Variants in GNB1L observed in about 807,000 individuals in gnomAD.
GNB1L encodes G protein subunit beta 1 like.
In GNB1L, 20 loss-of-function variants were observed where a neutral mutation model predicts 29.1. The observed-to-expected ratio is 0.69, with a 90% CI of 0.48 to 1.00. The LOEUF (loss-of-function observed/expected upper bound fraction) is 1.00, where lower values mean the gene tolerates loss of function less well. Ranked by LOEUF, GNB1L falls within the 50% of genes least tolerant of loss-of-function variation. GNB1L has a pLI of 0.00. For synonymous variants in GNB1L, 193 were observed against 206.5 expected (o/e 0.93, Z 0.56); for missense variants, 421 against 464.9 (o/e 0.91, Z 0.87).
intron 2 of GNB1L, among the ~76,000 whole-genome samples, chr22:19,823,501 G>A (rs925121431): frequency 6.6e-6 from 1 of 152,208 alleles, no homozygotes; most frequent in Non-Finnish European, 1.5e-5. Flanking sequence ...TAGCCAGGGG[G>A]ACAGGAAGGC....
rs78167844 is a variant in GNB1L at position 19,812,695 on chromosome 22, C to T, written c.255-248G>A. On this transcript the variant is annotated intron_variant, in intron 4 of 7. Transcript: ENST00000329517. ...AGGCTGTGGACTGATGGCTGTCCAG[C>T]GTGGCCCCGGGGTGGGGGACACCAA... Among the ~76,000 whole-genome samples the T allele has an allele frequency of 7.8e-3, 1,183 of 152,324 alleles. 23 individuals carry two copies. In the South Asian group the frequency reaches 0.086, roughly 11 times the overall value.
At chr22:19,845,137 C>T (rs1601352207) in intron 2 of GNB1L, among the ~76,000 whole-genome samples, 2 of 152,310 alleles carry the variant, frequency 1.3e-5, no homozygotes, top group East Asian at 3.9e-4. Context: ...AAGGGGAGGT[C>T]CCCTATCACA....
At chr22:19,837,281 A>G (rs555455598) in intron 2 of GNB1L, among the ~76,000 whole-genome samples, 2 of 152,330 alleles carry the variant, frequency 1.3e-5, no homozygotes, top group South Asian at 4.1e-4. Context: ...AGAGATTATT[A>G]AGAAAATGAA....
intron 2 of GNB1L, among the ~76,000 whole-genome samples, chr22:19,824,343 C>G (rs730416): frequency 0.015 from 2,274 of 152,334 alleles, 52 homozygotes; most frequent in African/African-American, 0.051. Context: ...AAAGGCCGCC[C>G]TTGCGCAAGG....
In GNB1L at chr22:19,802,089, T is replaced by G; in HGVS notation, c.644A>C (p.Asp215Ala). The G allele has an allele frequency of 6.2e-7, 1 of 1,613,526 alleles. No homozygotes were observed. Among genetic ancestry groups the G allele is most frequent in the Non-Finnish European group, 8.5e-7 (1 of 1,180,002 alleles). The change falls in exon 7 of 8, where the codon GAC (aspartate) becomes GCC (alanine). Residue 215 changes from aspartate to alanine, a missense_variant. Asp to Ala is a moderately radical substitution (Grantham distance 126, BLOSUM62 -2). Transcript: ENST00000329517. Reference sequence around the variant, plus strand: ...GCCCCTGGCCTTCTGGGAGTCAAAGTCAAGGTCCATGACGGGCTCCTCATG... The same window carrying G: ...GCCCCTGGCCTTCTGGGAGTCAAAGGCAAGGTCCATGACGGGCTCCTCATG... ...ACHEEPVMDL[D>A]FDSQKARGIS...
At position 19,788,925 on chromosome 22, in the gene GNB1L, G is replaced by C; in HGVS notation, c.768C>G (p.Ile256Met). The C allele has an allele frequency of 6.2e-7, 1 of 1,610,962 alleles. No homozygotes were observed. Among genetic ancestry groups the C allele is most frequent in the Non-Finnish European group, 8.5e-7 (1 of 1,178,584 alleles). ...RGTHELTNPG[I>M]AEVTIRPDRK... Reference sequence around the variant, plus strand: ...GATCTGGCCGGATCGTGACCTCGGCGATCCCGGGATTGGTGAGTTCATGAG... The same window carrying C: ...GATCTGGCCGGATCGTGACCTCGGCCATCCCGGGATTGGTGAGTTCATGAG... Residue 256 changes from isoleucine to methionine, a missense_variant, in exon 8 of 8, where the codon ATC becomes ATG. Coordinates refer to ENST00000329517, the MANE Select transcript of GNB1L (RefSeq NM_053004.3).
intron 2 of GNB1L, among the ~76,000 whole-genome samples, chr22:19,835,540 A>G (rs1322477361): frequency 6.6e-6 from 1 of 151,984 alleles, no homozygotes; most frequent in African/African-American, 2.4e-5. Context: ...CAGGCATAGT[A>G]GCGCACGCCT....
At chr22:19,794,417 C>A (rs1285155069) in intron 7 of GNB1L, among the ~76,000 whole-genome samples, 1 of 152,124 alleles carries the variant, frequency 6.6e-6, no homozygotes, top group Admixed American at 6.5e-5. Context: ...TCTAAGGAGA[C>A]TTTGAGAAGG....
chr22:19,846,310 C>T, intron 2 of GNB1L: 1 of 593,640 alleles, frequency 1.7e-6, no homozygotes, highest in South Asian at 7.3e-5. Flanking sequence ...CAGAAAGTTA[C>T]AACCTGGGAA....
At chr22:19,792,677 C>T in intron 7 of GNB1L, 1 of 1,466,520 alleles carries the variant, frequency 6.8e-7, no homozygotes, top group Non-Finnish European at 9.5e-7. Flanking sequence ...AACGGGACGT[C>T]CCCACCAAGA....
chr22:19,809,109 T>C (rs1937469083), intron 5 of GNB1L, among the ~76,000 whole-genome samples: 1 of 151,872 alleles, frequency 6.6e-6, no homozygotes, highest in African/African-American at 2.4e-5. Context: ...AAATGCTGCA[T>C]TTCCCAAGAC....
intron 6 of GNB1L, among the ~76,000 whole-genome samples, chr22:19,802,544 G>C (rs1937386914): frequency 6.6e-6 from 1 of 152,180 alleles, no homozygotes; most frequent in South Asian, 2.1e-4. Context: ...GCCCACCCTG[G>C]GTTCTGCCCA....
chr22:19,852,864 C>T (rs1360188203), intron 2 of GNB1L, among the ~76,000 whole-genome samples: 1 of 152,154 alleles, frequency 6.6e-6, no homozygotes, highest in Non-Finnish European at 1.5e-5. Flanking sequence ...CAGCCACACA[C>T]TAACCCATAA....
At chr22:19,808,291 A>T (rs1212456021) in intron 5 of GNB1L, among the ~76,000 whole-genome samples, 4 of 152,352 alleles carry the variant, frequency 2.6e-5, no homozygotes, top group Non-Finnish European at 5.9e-5. Flanking sequence ...CATCAAGCCC[A>T]GAAACCAGGG....
chr22:19,792,493 G>T (rs1183131497), intron 7 of GNB1L: 1 of 1,565,340 alleles, frequency 6.4e-7, no homozygotes, highest in East Asian at 2.2e-5. Context: ...CAGCGGCAGA[G>T]AGCCATCCTC....
chr22:19,852,082 C>T (rs1392768847), intron 2 of GNB1L: 7 of 1,614,232 alleles, frequency 4.3e-6, no homozygotes, highest in African/African-American at 2.7e-5. Flanking sequence ...GCTCCATGGT[C>T]GTTCGCACAC....
chr22:19,840,646 C>T (rs1937844407), intron 2 of GNB1L, among the ~76,000 whole-genome samples: 5 of 152,046 alleles, frequency 3.3e-5, no homozygotes, highest in African/African-American at 1.2e-4. Context: ...GCCGACCCTA[C>T]TAAAAATACA....
intron 6 of GNB1L, among the ~76,000 whole-genome samples, chr22:19,803,078 A>G (rs905268461): frequency 2.0e-5 from 3 of 152,240 alleles, no homozygotes; most frequent in Non-Finnish European, 4.4e-5. Flanking sequence ...CACAAGGACC[A>G]GGGCTCGCTG....
chr22:19,799,558 C>T (rs1937344873), intron 7 of GNB1L, among the ~76,000 whole-genome samples: 1 of 152,222 alleles, frequency 6.6e-6, no homozygotes, highest in Admixed American at 6.5e-5. Context: ...CATCTGGTTC[C>T]GATTACCCAT....
Sources: gnomAD v4.1 joint callset for allele counts (sites outside exome capture counted in the v4.1 genomes callset) on GRCh38, gnomAD v4.1.1 for gene constraint, MANE v1.5 for transcripts, NCBI Gene and HGNC (gene_info 2026-07-23, HGNC 2026-07-21) for gene names.